RAD51B: variants seen among roughly 807,000 people sequenced by gnomAD.
RAD51B encodes RAD51 paralog B, also known as DNA repair protein RAD51 homolog 2.
Under a neutral mutation model 42.2 loss-of-function variants are expected in RAD51B, and 38 were observed. The observed-to-expected ratio is 0.90, with a 90% confidence interval of 0.70 to 1.18. The LOEUF is 1.18. RAD51B is among the 50% of genes most tolerant of loss of function. The pLI is 0.00. For missense variants in RAD51B, 373 were observed against 400.7 expected, an observed-to-expected ratio of 0.93 and a Z score of 0.59; for synonymous variants, 154 against 145.2, an observed-to-expected ratio of 1.06 and a Z score of -0.43.
chr14:68,169,017 G>A (rs988847681), intron 7 of RAD51B, among the ~76,000 whole-genome samples: 2 of 152,082 alleles, frequency 1.3e-5, no homozygotes, highest in Non-Finnish European at 2.9e-5. Context: ...GTTTATTCCT[G>A]GCTCTCTCCT....
At chr14:67,990,194 C>T (rs1000636640) in intron 7 of RAD51B, among the ~76,000 whole-genome samples, 28 of 151,818 alleles carry the variant, frequency 1.8e-4, no homozygotes, top group Non-Finnish European at 3.2e-4. Context: ...GATGGGGTTT[C>T]ACCATGTTGG....
intron 8 of RAD51B, among the ~76,000 whole-genome samples, chr14:68,361,215 G>T (rs1394238931): frequency 6.6e-6 from 1 of 152,208 alleles, no homozygotes; most frequent in African/African-American, 2.4e-5. Flanking sequence ...AGAGTACTCA[G>T]CCTGCCAAAG....
chr14:68,648,902 A>G (rs1172912984), intron 10 of RAD51B, among the ~76,000 whole-genome samples: 1 of 152,078 alleles, frequency 6.6e-6, no homozygotes, highest in African/African-American at 2.4e-5. Context: ...ACAGATCTAC[A>G]TGTCAGTCAG....
intron 7 of RAD51B, among the ~76,000 whole-genome samples, chr14:68,051,830 T>G (rs1453768045): frequency 6.6e-6 from 1 of 151,974 alleles, no homozygotes; most frequent in Non-Finnish European, 1.5e-5. Flanking sequence ...CTTGAACTCC[T>G]GGCCTCAAGC....
chr14:68,328,064 C>T (rs2082282065), intron 8 of RAD51B, among the ~76,000 whole-genome samples: 1 of 152,076 alleles, frequency 6.6e-6, no homozygotes. Context: ...TCTTCCCTTC[C>T]TATATACCTC....
intron 7 of RAD51B, among the ~76,000 whole-genome samples, chr14:68,016,973 T>A (rs2075786851): frequency 6.6e-6 from 1 of 152,174 alleles, no homozygotes; most frequent in Non-Finnish European, 1.5e-5. Flanking sequence ...GATCAAAATT[T>A]AAAAATATAG....
At chr14:68,456,690 A>G (rs2085695085) in intron 9 of RAD51B, among the ~76,000 whole-genome samples, 1 of 152,140 alleles carries the variant, frequency 6.6e-6, no homozygotes, top group African/African-American at 2.4e-5. Context: ...ACAGAAGTTC[A>G]GCAAAGAAAT....
In RAD51B at chr14:68,648,004, C is replaced by CATATATATATAT. The variant is rs374934304; in HGVS notation, c.1037-2771_1037-2760dup. On this transcript the variant is annotated intron_variant, in intron 10 of 11. Transcript: ENST00000488612. ...TCTGATTAGTTTTTTAAAAATTGAG[C>CATATATATATAT]ATATATATATATATATACGTATATA... is the stretch of plus-strand genomic sequence containing the variant. Among the ~76,000 whole-genome samples the CATATATATATAT allele has an allele frequency of 4.8e-3, 520 of 108,682 alleles. 10 individuals are homozygous for CATATATATATAT. The highest frequency in any genetic ancestry group is 0.01 in the Middle Eastern group (2 of 200). 71.3% of individuals were successfully genotyped at this position (108,682 alleles called of 152,430 possible). A position where few individuals can be genotyped will look rare whatever the true frequency, so the allele number is the denominator to read the frequency against.
chr14:68,385,589 T>C (rs1312303422), intron 8 of RAD51B, among the ~76,000 whole-genome samples: 1 of 152,204 alleles, frequency 6.6e-6, no homozygotes, highest in African/African-American at 2.4e-5. Context: ...TAATCTAGCA[T>C]TACGAGCATC....
Position 68,112,072 on chromosome 14 carries a change from T to C in RAD51B, c.757-179812T>C, listed in dbSNP as rs372948814. The stretch of plus-strand genomic sequence containing the variant: ...CCTCCAGCAGTAGGTATGGTGTTAT[T>C]ACATGGAGTTACCTTTAAAGGAATT... On this transcript the variant is annotated intron_variant, in intron 7 of 10. Coordinates refer to ENST00000471583, the MANE Select transcript of RAD51B (RefSeq NM_133510.4). Among the ~76,000 whole-genome samples the C allele has an allele frequency of 1.1e-4, 17 of 152,202 alleles. No homozygotes were observed. The East Asian group carries it at 3.3e-3, about 29-fold the overall frequency.
chr14:68,659,211 C>T (rs1892884085), intron 11 of RAD51B, among the ~76,000 whole-genome samples: 2 of 152,362 alleles, frequency 1.3e-5, no homozygotes, highest in East Asian at 1.9e-4. Flanking sequence ...AACAATCTCC[C>T]CTGCCTGGGG....
chr14:67,961,452 A>G (rs1359715398), intron 7 of RAD51B, among the ~76,000 whole-genome samples: 5 of 152,234 alleles, frequency 3.3e-5, no homozygotes, highest in Non-Finnish European at 7.3e-5. Context: ...GTCTCAGACA[A>G]AGATATGCTG....
chr14:68,163,675 T>G (rs1315749309), intron 7 of RAD51B, among the ~76,000 whole-genome samples: 1 of 152,236 alleles, frequency 6.6e-6, no homozygotes, highest in East Asian at 1.9e-4. Context: ...TAGACTCACT[T>G]GTTTCTTAAT....
At chr14:68,549,198 A>G (rs1350427918) in intron 10 of RAD51B, among the ~76,000 whole-genome samples, 7 of 151,896 alleles carry the variant, frequency 4.6e-5, no homozygotes, top group African/African-American at 1.7e-4. Flanking sequence ...TGACTGAGTC[A>G]GACTTGGAAC....
rs534499316 is a variant in RAD51B, at chr14:68,334,675, T to A, written c.853+42695T>A. 5.3e-5 allele frequency among the ~76,000 whole-genome samples: 8 copies of A among 152,246 alleles called. No homozygotes were observed. In the South Asian group the frequency reaches 1.5e-3, roughly 28 times the overall value. ...TTCATCTGTTGATGGACCTTTAAGT[T>A]GATTCCATATCTTGGCCATTGTGAA... On this transcript the variant is annotated intron_variant, in intron 8 of 10. Transcript: ENST00000471583.
chr14:68,393,652 A>T (rs890866772), intron 8 of RAD51B, among the ~76,000 whole-genome samples: 5 of 152,094 alleles, frequency 3.3e-5, no homozygotes, highest in Non-Finnish European at 7.4e-5. Flanking sequence ...GCTCCATGGG[A>T]ATTTTCTCAG....
intron 1 of RAD51B, among the ~76,000 whole-genome samples, chr14:67,823,261 C>T (rs1375712907): frequency 6.6e-6 from 1 of 152,150 alleles, no homozygotes; most frequent in Non-Finnish European, 1.5e-5. Context: ...GTACTATATT[C>T]ATGTAGTAAA....
rs1595329564 is a variant in RAD51B at position 68,052,633 on chromosome 14, T to C, written c.756+165429T>C. 2.0e-5 allele frequency among the ~76,000 whole-genome samples: 3 copies of C among 152,082 alleles called. No homozygotes were observed. In the South Asian group the frequency reaches 6.2e-4, roughly 32 times the overall value. ...GACTTCTTCTTCTTCTTCTTCTTTT[T>C]TTTTTTGGATGAGGTCTCACTCTGT... On this transcript the variant is annotated intron_variant, in intron 7 of 10. Coordinates refer to ENST00000471583, the MANE Select transcript of RAD51B (RefSeq NM_133510.4).
At chr14:67,979,889 T>C (rs1013272647) in intron 7 of RAD51B, among the ~76,000 whole-genome samples, 7 of 152,196 alleles carry the variant, frequency 4.6e-5, no homozygotes, top group Non-Finnish European at 7.3e-5. Context: ...GGTGGCTGTT[T>C]GTTTAAGTCA....
Sources: gnomAD v4.1 joint callset for allele counts (sites outside exome capture counted in the v4.1 genomes callset) on GRCh38, gnomAD v4.1.1 for gene constraint, MANE v1.5 for transcripts, NCBI Gene and HGNC (gene_info 2026-07-23, HGNC 2026-07-21) for gene names.